Variants in KIF16B observed in about 807,000 individuals in gnomAD.
KIF16B encodes the protein kinesin-like protein KIF16B.
KIF16B carries 98 observed loss-of-function variants against 156.3 expected under a neutral mutation model. That is an observed-to-expected ratio of 0.63 (90% CI 0.53 to 0.74). The LOEUF (loss-of-function observed/expected upper bound fraction) is 0.74, where lower values mean the gene tolerates loss of function less well. Among genes scored for constraint, KIF16B ranks in the 30% least tolerant of loss-of-function variants. The pLI is 0.00. For missense variants in KIF16B, 1,421 were observed against 1,606.5 expected, an observed-to-expected ratio of 0.88 and a Z score of 1.97; for synonymous variants, 564 against 583.7, an observed-to-expected ratio of 0.97 and a Z score of 0.49.
At chr20:16,371,403 A>G (rs540609699) in intron 21 of KIF16B, among the ~76,000 whole-genome samples, 49 of 152,208 alleles carry the variant, frequency 3.2e-4, no homozygotes, top group African/African-American at 9.6e-4. Flanking sequence ...CCTGGCTAAC[A>G]TGGTGGTAGA....
intron 15 of KIF16B, among the ~76,000 whole-genome samples, chr20:16,407,373 A>C (rs1382857403): frequency 6.6e-6 from 1 of 152,180 alleles, no homozygotes; most frequent in South Asian, 2.1e-4. Flanking sequence ...ACAATGCCTC[A>C]GGGCATCAAT....
chr20:16,490,982 G>T (rs1233176967), intron 12 of KIF16B, among the ~76,000 whole-genome samples: 2 of 152,166 alleles, frequency 1.3e-5, no homozygotes, highest in Non-Finnish European at 2.9e-5. Flanking sequence ...GCAGAAAGAG[G>T]AAGAAACCAA....
intron 15 of KIF16B, among the ~76,000 whole-genome samples, chr20:16,425,300 T>G (rs529006220): frequency 5.3e-5 from 8 of 152,234 alleles, no homozygotes; most frequent in Non-Finnish European, 7.4e-5. Flanking sequence ...AATTTGATAT[T>G]GAAATAAATA....
intron 25 of KIF16B, among the ~76,000 whole-genome samples, chr20:16,285,381 C>CAT (rs1568814059): frequency 6.6e-6 from 1 of 152,184 alleles, no homozygotes; most frequent in Non-Finnish European, 1.5e-5. Flanking sequence ...TGCATGTGTA[C>CAT]ATGTCTTCGC....
chr20:16,374,534 C>A (rs1234360286), intron 19 of KIF16B, 125 bp from the exon 20 acceptor site: 30 of 891,164 alleles, frequency 3.4e-5, no homozygotes, highest in Non-Finnish European at 2.2e-5. Context: ...AAGAACTTTA[C>A]CTTCTAGTAG....
Position 16,500,513 on chromosome 20 carries a change from A to G in KIF16B, c.1177-2835T>C, listed in dbSNP as rs570296037. Among the ~76,000 whole-genome samples, 33 of 152,342 alleles carry G rather than the reference A, an allele frequency of 2.2e-4. 1 individual carries two copies. Among genetic ancestry groups the G allele is most frequent in the African/African-American group, 7.7e-4 (32 of 41,588 alleles). Reference sequence around the variant, plus strand: ...TGTGAGCTTTCACAGAATGAGAAAGAAGAGTTAAAATTTTCTGTGACAAAT... The same window carrying G: ...TGTGAGCTTTCACAGAATGAGAAAGGAGAGTTAAAATTTTCTGTGACAAAT... On this transcript the variant is annotated intron_variant, in intron 10 of 25. Coordinates refer to ENST00000354981, the MANE Select transcript of KIF16B (RefSeq NM_024704.5).
chr20:16,285,600 T>C (rs948773028), intron 25 of KIF16B, among the ~76,000 whole-genome samples: 1 of 152,208 alleles, frequency 6.6e-6, no homozygotes, highest in African/African-American at 2.4e-5. Flanking sequence ...GTGGATCACT[T>C]GAGACCAGGA....
chr20:16,436,788 C>T (rs1051743202), intron 12 of KIF16B, among the ~76,000 whole-genome samples: 4 of 151,984 alleles, frequency 2.6e-5, no homozygotes, highest in Non-Finnish European at 5.9e-5. Context: ...ATGGAATCAC[C>T]AACTGGTTTT....
At chr20:16,431,913 TACACACACACAC>T (rs74175693) in intron 12 of KIF16B, among the ~76,000 whole-genome samples, 2 of 143,762 alleles carry the variant, frequency 1.4e-5, no homozygotes, top group Non-Finnish European at 3.0e-5. Flanking sequence ...TGTATACGTA[TACACACACACAC>T]ACACACACAC....
Position 16,374,361 on chromosome 20 carries a change from A to G in KIF16B, c.3246T>C (p.Asp1082=), listed in dbSNP as rs148438375. 1.2e-6 allele frequency: 2 copies of G among 1,601,194 alleles called. No homozygotes were observed. Among genetic ancestry groups the G allele is most frequent in the Non-Finnish European group, 1.7e-6 (2 of 1,172,386 alleles). Reference sequence around the variant, plus strand: ...TCCCATGATGATCTTTTTGAACACCATCGACCTCATAAATCTTCTGTTTCA... The same window carrying G: ...TCCCATGATGATCTTTTTGAACACCGTCGACCTCATAAATCTTCTGTTTCA... ...QQLKQKIYEV[D]GVQKDHHGTL... The change falls in exon 20 of 26, where the codon GAT becomes GAC. Residue 1082 remains aspartate (D), a synonymous_variant. Transcript: ENST00000354981.
chr20:16,479,175 A>C (rs769481690), intron 12 of KIF16B, among the ~76,000 whole-genome samples: 2 of 152,246 alleles, frequency 1.3e-5, no homozygotes, highest in Non-Finnish European at 2.9e-5. Flanking sequence ...CTATGCAGCC[A>C]TAAAAAGGAG....
rs561215074 is a variant in KIF16B at position 16,283,901 on chromosome 20, G to C, written c.3796-10490C>G. Among the ~76,000 whole-genome samples, 5 of 152,148 alleles carry C rather than the reference G, an allele frequency of 3.3e-5. No homozygotes were observed. In the South Asian group the frequency reaches 6.2e-4, roughly 19 times the overall value. On this transcript the variant is annotated intron_variant, in intron 25 of 25. Transcript: ENST00000354981. Reference sequence around the variant, plus strand: ...ATCACAGGACTGGGGTCCTGCCTGAGGTTCCCTTGCTGACTCTCAGCAAGG... The same window carrying C: ...ATCACAGGACTGGGGTCCTGCCTGACGTTCCCTTGCTGACTCTCAGCAAGG...
At chr20:16,421,310 TG>T (rs1393413165) in intron 15 of KIF16B, among the ~76,000 whole-genome samples, 1 of 152,208 alleles carries the variant, frequency 6.6e-6, no homozygotes, top group Non-Finnish European at 1.5e-5. Flanking sequence ...GTTCATATGC[TG>T]TTTTTTTCCT....
At chr20:16,346,117 C>A (rs564872788) in intron 23 of KIF16B, among the ~76,000 whole-genome samples, 1 of 152,230 alleles carries the variant, frequency 6.6e-6, no homozygotes, top group African/African-American at 2.4e-5. Flanking sequence ...AGGCTTCCCC[C>A]TCCAGTGCAG....
At chr20:16,503,190 AAC>A (rs2146991815) in intron 10 of KIF16B, among the ~76,000 whole-genome samples, 1 of 152,312 alleles carries the variant, frequency 6.6e-6, no homozygotes, top group East Asian at 1.9e-4. Flanking sequence ...CAGCCTGGGC[AAC>A]ACAGTGAGAC....
At chr20:16,438,265 T>C (rs935188256) in intron 12 of KIF16B, among the ~76,000 whole-genome samples, 3 of 152,186 alleles carry the variant, frequency 2.0e-5, no homozygotes, top group African/African-American at 7.2e-5. Flanking sequence ...CCCCCCTGTA[T>C]CTGAAGTTTT....
chr20:16,424,304 T>A (rs536133746), intron 15 of KIF16B, among the ~76,000 whole-genome samples: 42 of 152,212 alleles, frequency 2.8e-4, no homozygotes, highest in South Asian at 6.2e-4. Context: ...GGTACCCAGG[T>A]TGGCGCTCCA....
intron 25 of KIF16B, among the ~76,000 whole-genome samples, chr20:16,287,317 G>T (rs1453878713): frequency 6.6e-6 from 1 of 152,034 alleles, no homozygotes; most frequent in Non-Finnish European, 1.5e-5. Flanking sequence ...TTCTTAGCAG[G>T]TATTTCTTTG....
intron 10 of KIF16B, among the ~76,000 whole-genome samples, chr20:16,502,930 C>T (rs901931511): frequency 8.5e-5 from 13 of 152,114 alleles, no homozygotes; most frequent in Non-Finnish European, 1.8e-4. Context: ...GAGAAAGATG[C>T]CAGGCTGGGC....
Sources: allele counts gnomAD v4.1 joint callset (sites outside exome capture counted in the v4.1 genomes callset), GRCh38; gene constraint gnomAD v4.1.1; transcripts MANE v1.5; gene names NCBI Gene and HGNC (gene_info 2026-07-23, HGNC 2026-07-21).